The following ZSWIM2 variants were observed in gnomAD, a reference collection of about 807,000 sequenced individuals.
ZSWIM2 encodes zinc finger SWIM-type containing 2, also known as E3 ubiquitin-protein ligase ZSWIM2.
A neutral mutation model predicts 48.4 loss-of-function variants in ZSWIM2; 38 were observed. The ratio of observed to expected loss-of-function variants is 0.79; its 90% CI spans 0.61 to 1.03. The LOEUF is 1.03. Ranked by LOEUF, ZSWIM2 falls within the 50% of genes least tolerant of loss-of-function variation. The probability of loss-of-function intolerance (pLI) is 0.00; values close to 1 mark genes in which losing one functional copy is unlikely to be tolerated. For missense variants in ZSWIM2, 776 were observed against 730.2 expected (o/e 1.06, Z -0.72); for synonymous variants, 240 against 251.3 (o/e 0.96, Z 0.42).
In ZSWIM2 at chr2:186,828,743, T is replaced by G. The variant is rs766126513; in HGVS notation, c.1143A>C (p.Ser381=). 1.9e-6 allele frequency: 3 copies of G among 1,598,796 alleles called. No homozygotes were observed. The highest frequency in any genetic ancestry group is 2.3e-5 in the South Asian group (2 of 88,786). ...ATATAACTTGTCCATCAATAGGGCA[T>G]GAATTGCACTTGTGGAATAACCAGT... is the stretch of plus-strand genomic sequence containing the variant. ...IDNWLFHKCN[S]CPIDGQVIYN... is the part of the protein sequence containing the mutation. The change falls in exon 9 of 9, where the codon TCA becomes TCC. Residue 381 remains serine, a synonymous_variant. Coordinates refer to ENST00000295131, the MANE Select transcript of ZSWIM2 (RefSeq NM_182521.3).
At chr2:186,848,804 C>A in intron 1 of ZSWIM2, 162 bp downstream of exon 1, 1 of 834,878 alleles carries the variant, frequency 1.2e-6, no homozygotes, top group South Asian at 1.8e-5. Flanking sequence ...TGTAATTTCA[C>A]GTATTTTAGA....
intron 1 of ZSWIM2, chr2:186,848,760 A>G: frequency 1.7e-6 from 1 of 595,454 alleles, no homozygotes; most frequent in Non-Finnish European, 2.9e-6. Context: ...CTTAACCTCC[A>G]AAAAAGAAAC....
At chr2:186,833,019 A>G in intron 7 of ZSWIM2, 101 bp downstream of exon 7, 1 of 516,670 alleles carries the variant, frequency 1.9e-6, no homozygotes, top group Non-Finnish European at 3.2e-6. Context: ...GCTTAATAAT[A>G]ATTAAATAAT....
intron 7 of ZSWIM2, among the ~76,000 whole-genome samples, chr2:186,831,234 A>G (rs13426438): frequency 0.18 from 27,722 of 151,934 alleles, 3,859 homozygotes; most frequent in African/African-American, 0.4. Flanking sequence ...AAGCCTTTGT[A>G]TAGGCTCATT....
In ZSWIM2 at chr2:186,837,485, G is replaced by T. The variant is rs1691814602; in HGVS notation, c.564C>A (p.Asn188Lys). The T allele has an allele frequency of 6.2e-7, 1 of 1,612,176 alleles. No individual in the cohort carries two copies. The highest frequency in any genetic ancestry group is 1.7e-5 in the Admixed American group (1 of 59,782). ...ACAGAGGACATTTCAACATGGAAGTGTTTGATGTACTCTGATAATTAGCTA... is the reference window on the plus strand; with the variant it reads ...ACAGAGGACATTTCAACATGGAAGTTTTTGATGTACTCTGATAATTAGCTA... ...KILANYQSTS[N>K]TSMLKCPLCR... is the part of the protein sequence containing the mutation. The change falls in exon 5 of 9, where the codon AAC (asparagine) becomes AAA (lysine). Residue 188 changes from asparagine (N) to lysine (K), a missense_variant. Coordinates refer to ENST00000295131, the MANE Select transcript of ZSWIM2 (RefSeq NM_182521.3).
In ZSWIM2 at chr2:186,827,736, A is replaced by AT; in HGVS notation, c.*247_*248insA. ...ACATTTCTAAAATCAGAGTAAAATA[A>AT]GATAAAGGCTCTAAAAATTATTCAT... On this transcript the variant is annotated 3_prime_UTR_variant, in exon 9 of 9. Coordinates refer to ENST00000295131, the MANE Select transcript of ZSWIM2 (RefSeq NM_182521.3). 4.1e-6 allele frequency: 1 copy of AT among 243,602 alleles called. No homozygotes were observed. The highest frequency in any genetic ancestry group is 7.8e-6 in the Non-Finnish European group (1 of 128,478). 15.1% of individuals were successfully genotyped at this position (243,602 alleles called of 1,614,324 possible).
At chr2:186,833,372 A>G (rs1296599968) in intron 6 of ZSWIM2, 140 bp from the exon 7 acceptor site, 1 of 471,164 alleles carries the variant, frequency 2.1e-6, no homozygotes, top group Non-Finnish European at 3.7e-6. Flanking sequence ...AACATGTTAA[A>G]GTACTTACAA....
chr2:186,830,116 C>T (rs903358055), intron 7 of ZSWIM2, among the ~76,000 whole-genome samples: 9 of 152,110 alleles, frequency 5.9e-5, no homozygotes, highest in East Asian at 5.8e-4. Context: ...TGATGGCTCA[C>T]GCCTGTAATC....
chr2:186,840,523 C>T (rs918740881), intron 3 of ZSWIM2, among the ~76,000 whole-genome samples: 7 of 151,528 alleles, frequency 4.6e-5, no homozygotes, highest in African/African-American at 1.7e-4. Context: ...ATGAGATGCT[C>T]TAAATAATAA....
Position 186,838,678 on chromosome 2 carries a change from G to T in ZSWIM2, c.494+281C>A, listed in dbSNP as rs557996731. 2.2e-4 allele frequency among the ~76,000 whole-genome samples: 32 copies of T among 145,336 alleles called. No homozygotes were observed. In the South Asian group the frequency reaches 6.9e-3, roughly 31 times the overall value. On this transcript the variant is annotated intron_variant, in intron 4 of 8. Transcript: ENST00000295131. ...ATATATACACACACATATATATGTT[G>T]CTTCCTAACATATATGTTATATATA... is the stretch of plus-strand genomic sequence containing the variant.
chr2:186,839,198 C>G (rs1157420283), intron 3 of ZSWIM2, 29 bp from the exon 4 acceptor site: 2 of 1,602,102 alleles, frequency 1.2e-6, no homozygotes, highest in African/African-American at 2.7e-5. Context: ...GTATTAAAAT[C>G]CAGTCATAAA....
Position 186,839,110 on chromosome 2 carries a change from G to C in ZSWIM2, c.343C>G (p.Arg115Gly), listed in dbSNP as rs1691856980. 1 of 1,611,480 alleles carries C rather than the reference G, an allele frequency of 6.2e-7. No individual in the cohort carries two copies. The highest frequency in any genetic ancestry group is 1.7e-4 in the Middle Eastern group (1 of 6,054). ...EISDLLRGIH[R>G]VQTPQPGTND... is the part of the protein sequence containing the mutation. ...GTTCCTGGTTGGGGAGTTTGAACTC[G>C]ATGTATCCCCCGAAGCAAGTCACTT... Residue 115 changes from arginine to glycine, a missense_variant, in exon 4 of 9, where the codon CGA (arginine) becomes GGA (glycine). Arg to Gly is a moderately radical substitution (Grantham distance 125). Coordinates refer to ENST00000295131, the MANE Select transcript of ZSWIM2 (RefSeq NM_182521.3).
In ZSWIM2 at chr2:186,827,972, TAG is replaced by T. The variant is rs760403679; in HGVS notation, c.*10_*11del. The T allele has an allele frequency of 2.0e-6, 3 of 1,532,200 alleles. No individual in the cohort carries two copies. The highest frequency in any genetic ancestry group is 2.6e-6 in the Non-Finnish European group (3 of 1,142,384). 94.9% of individuals were successfully genotyped at this position (1,532,200 alleles called of 1,614,324 possible). ...TATTCAACATTCAAATATTTTCAGA[TAG>T]TAAACTTTTTCACAATTGAACTCCT... is the stretch of plus-strand genomic sequence containing the variant. On this transcript the variant is annotated 3_prime_UTR_variant, in exon 9 of 9. Transcript: ENST00000295131.
In ZSWIM2 at chr2:186,828,621, G is replaced by C; in HGVS notation, c.1265C>G (p.Pro422Arg). The change falls in exon 9 of 9, where the codon CCA becomes CGA. Residue 422 changes from proline (P) to arginine (R), a missense_variant. Transcript: ENST00000295131. ...TCCAGTACCAGGAATAAAAAGATCTGGTTCTTTCTGCTTTGATAGATGAAT... is the reference window on the plus strand; with the variant it reads ...TCCAGTACCAGGAATAAAAAGATCTCGTTCTTTCTGCTTTGATAGATGAAT... ...DIIHLSKQKE[P>R]DLFIPGTGLV... The C allele has an allele frequency of 6.2e-7, 1 of 1,612,844 alleles. No homozygotes were observed. The highest frequency in any genetic ancestry group is 1.1e-5 in the South Asian group (1 of 91,014).
intron 4 of ZSWIM2, among the ~76,000 whole-genome samples, chr2:186,838,373 T>C (rs1313878509): frequency 6.6e-6 from 1 of 150,688 alleles, no homozygotes; most frequent in East Asian, 1.9e-4. Context: ...TTTGTACATA[T>C]GTGAAAATTG....
chr2:186,838,327 T>C (rs1408891093), intron 4 of ZSWIM2, among the ~76,000 whole-genome samples: 2 of 148,592 alleles, frequency 1.3e-5, no homozygotes, highest in Non-Finnish European at 3.0e-5. Context: ...GAAAGAAATA[T>C]TATTGTTGGC....
At chr2:186,845,660 A>C (rs1171784729) in intron 2 of ZSWIM2, among the ~76,000 whole-genome samples, 1 of 151,454 alleles carries the variant, frequency 6.6e-6, no homozygotes, top group Non-Finnish European at 1.5e-5. Flanking sequence ...ATAAATTAAA[A>C]TAATATTAAT....
intron 1 of ZSWIM2, 63 bp from the exon 2 acceptor site, chr2:186,847,858 G>A: frequency 8.4e-7 from 1 of 1,191,884 alleles, no homozygotes; most frequent in Non-Finnish European, 1.2e-6. Context: ...GCAAAACTGA[G>A]TTAATAAAAG....
intron 1 of ZSWIM2, 182 bp downstream of exon 1, chr2:186,848,784 T>G: frequency 1.4e-6 from 1 of 724,088 alleles, no homozygotes. Flanking sequence ...TAATAAATAC[T>G]ATTTCCTTCT....
Sources: allele counts gnomAD v4.1 joint callset (sites outside exome capture counted in the v4.1 genomes callset), GRCh38; gene constraint gnomAD v4.1.1; transcripts MANE v1.5; gene names NCBI Gene and HGNC (gene_info 2026-07-23, HGNC 2026-07-21).